Variants in PEX5L observed in about 807,000 individuals in gnomAD.
PEX5L encodes PEX5-related protein.
In PEX5L, 30 loss-of-function variants were observed where a neutral mutation model predicts 84.0. The observed-to-expected ratio is 0.36, with a 90% CI of 0.27 to 0.48. PEX5L has a LOEUF of 0.48. Among genes scored for constraint, PEX5L ranks in the 20% least tolerant of loss-of-function variants. The pLI, the probability that PEX5L is intolerant of heterozygous loss-of-function variation, is 0.99. For synonymous variants in PEX5L, 270 were observed against 283.1 expected, an observed-to-expected ratio of 0.95 and a Z score of 0.46; for missense variants, 533 against 754.6, an observed-to-expected ratio of 0.71 and a Z score of 3.44.
At chr3:179,817,773 C>A (rs540542323) in intron 9 of PEX5L, among the ~76,000 whole-genome samples, 1 of 152,206 alleles carries the variant, frequency 6.6e-6, no homozygotes, top group African/African-American at 2.4e-5. Context: ...TCCATAGGTG[C>A]TTAGAAGGAC....
chr3:179,903,290 G>A (rs758072905), intron 2 of PEX5L, among the ~76,000 whole-genome samples: 10 of 151,764 alleles, frequency 6.6e-5, no homozygotes, highest in Non-Finnish European at 1.2e-4. Flanking sequence ...GTGTGATCTC[G>A]GTTCACTGCA....
At chr3:179,990,287 T>C (rs9833792) in intron 1 of PEX5L, among the ~76,000 whole-genome samples, 2,671 of 152,332 alleles carry the variant, frequency 0.018, 84 homozygotes, top group African/African-American at 0.061. Context: ...TCATTTGCAC[T>C]AGAGAAAAGA....
intron 1 of PEX5L, among the ~76,000 whole-genome samples, chr3:180,003,138 C>T (rs982248013): frequency 6.6e-5 from 10 of 152,104 alleles, no homozygotes; most frequent in African/African-American, 2.2e-4. Context: ...TTCAAATACC[C>T]TATTGAGACT....
intron 1 of PEX5L, among the ~76,000 whole-genome samples, chr3:179,997,312 G>A (rs1455467945): frequency 1.3e-5 from 2 of 152,298 alleles, no homozygotes; most frequent in African/African-American, 2.4e-5. Flanking sequence ...GGGGCTTATG[G>A]AGGTCAGGTA....
chr3:179,844,336 A>G (rs991957653), intron 8 of PEX5L, among the ~76,000 whole-genome samples: 8 of 152,224 alleles, frequency 5.3e-5, no homozygotes, highest in African/African-American at 1.9e-4. Flanking sequence ...TTTGAAGACC[A>G]TATTGTATTA....
intron 8 of PEX5L, among the ~76,000 whole-genome samples, chr3:179,827,308 A>G (rs1188405371): frequency 6.6e-6 from 1 of 152,194 alleles, no homozygotes; most frequent in Non-Finnish European, 1.5e-5. Flanking sequence ...CTTGGAATCT[A>G]GCTACCACCT....
In PEX5L at chr3:179,871,415, T is replaced by C. The variant is rs111978713; in HGVS notation, c.726+2912A>G. ...ACCACACCTGGCCCCATCTGAGTTA[T>C]ACTTTTAAGGTGAATTTTTATACCA... On this transcript the variant is annotated intron_variant, in intron 7 of 14. Coordinates refer to ENST00000467460, the MANE Select transcript of PEX5L (RefSeq NM_016559.3). Among the ~76,000 whole-genome samples, 27 of 152,314 alleles carry C rather than the reference T, an allele frequency of 1.8e-4. 1 individual carries two copies. The highest frequency in any genetic ancestry group is 5.5e-4 in the African/African-American group (23 of 41,568).
chr3:179,850,135 T>G (rs1003297442), intron 8 of PEX5L, among the ~76,000 whole-genome samples: 2 of 152,124 alleles, frequency 1.3e-5, no homozygotes, highest in African/African-American at 4.8e-5. Flanking sequence ...ACTTTTTTTT[T>G]TTGTTTTTTT....
chr3:179,803,084 C>A (rs1719735759), intron 14 of PEX5L, among the ~76,000 whole-genome samples: 1 of 151,994 alleles, frequency 6.6e-6, no homozygotes, highest in Non-Finnish European at 1.5e-5. Context: ...TTTTTGCTTT[C>A]ATTTTCTCAC....
chr3:179,979,461 CT>C (rs1401905073), intron 1 of PEX5L, among the ~76,000 whole-genome samples: 6 of 152,158 alleles, frequency 3.9e-5, no homozygotes, highest in African/African-American at 1.4e-4. Flanking sequence ...GATAATCTCT[CT>C]GGCAGTCTTA....
chr3:179,957,913 C>A (rs1379500536), intron 2 of PEX5L, among the ~76,000 whole-genome samples: 1 of 152,096 alleles, frequency 6.6e-6, no homozygotes, highest in Admixed American at 6.6e-5. Flanking sequence ...AGAATGGGCA[C>A]GTATTTAAGG....
rs192280075 is a variant in PEX5L at position 179,908,568 on chromosome 3, C to T, written c.94-10322G>A. 4.6e-5 allele frequency among the ~76,000 whole-genome samples: 7 copies of T among 152,056 alleles called. No individual in the cohort carries two copies. In the East Asian group the frequency reaches 1.4e-3, roughly 29 times the overall value. On this transcript the variant is annotated intron_variant, in intron 2 of 14. Transcript: ENST00000467460. ...TGTGCCATGTTGGTGTGCTGCACCCCTTAACTCATCATTTACATTAGGTAT... is the reference window on the plus strand; with the variant it reads ...TGTGCCATGTTGGTGTGCTGCACCCTTTAACTCATCATTTACATTAGGTAT...
chr3:179,962,745 T>C (rs1462780277), intron 2 of PEX5L, among the ~76,000 whole-genome samples: 1 of 152,186 alleles, frequency 6.6e-6, no homozygotes, highest in African/African-American at 2.4e-5. Flanking sequence ...ATAGGTTTCT[T>C]TTCAATTTCT....
chr3:179,946,222 C>G (rs6795547), intron 2 of PEX5L, among the ~76,000 whole-genome samples: 121,632 of 152,068 alleles, frequency 0.8, 49,081 homozygotes, highest in African/African-American at 0.89. Context: ...TCTTGAGCTT[C>G]AATCCAGGCT....
chr3:179,914,044 G>A (rs1189473370), intron 2 of PEX5L, among the ~76,000 whole-genome samples: 1 of 152,136 alleles, frequency 6.6e-6, no homozygotes, highest in Non-Finnish European at 1.5e-5. Context: ...AGGAAGGACT[G>A]ATAAAAATAC....
intron 2 of PEX5L, among the ~76,000 whole-genome samples, chr3:179,968,729 GTGTC>G (rs1560974607): frequency 1.0e-4 from 15 of 146,758 alleles, no homozygotes; most frequent in South Asian, 2.1e-4. Flanking sequence ...GTGTCTGTGT[GTGTC>G]TGTGTGTCTG....
At chr3:179,972,467 C>T (rs1459483930) in intron 1 of PEX5L, among the ~76,000 whole-genome samples, 2 of 152,012 alleles carry the variant, frequency 1.3e-5, no homozygotes, top group East Asian at 1.9e-4. Context: ...CCCAACGCAA[C>T]GGTTGATGAG....
Position 179,800,922 on chromosome 3 carries a change from T to C in PEX5L, c.*906A>G, listed in dbSNP as rs775094985. ...AAACTTTCTTCCTGCAGAGAATGCA[T>C]GAAGAGACAGTACCTTGTGTCTTAC... On this transcript the variant is annotated 3_prime_UTR_variant, in exon 15 of 15. Coordinates refer to ENST00000467460, the MANE Select transcript of PEX5L (RefSeq NM_016559.3). 4 of 152,372 alleles carry C rather than the reference T, an allele frequency of 2.6e-5. No individual in the cohort carries two copies. The highest frequency in any genetic ancestry group is 5.9e-5 in the Non-Finnish European group (4 of 68,026). 9.4% of individuals were successfully genotyped at this position (152,372 alleles called of 1,614,324 possible). A position where few individuals can be genotyped will look rare whatever the true frequency, so the allele number is the denominator to read the frequency against.
chr3:179,940,323 G>T (rs1016598309), intron 2 of PEX5L, among the ~76,000 whole-genome samples: 25 of 151,754 alleles, frequency 1.6e-4, no homozygotes, highest in African/African-American at 5.8e-4. Flanking sequence ...GCTGGGAAGA[G>T]AAAGAAAGAG....
Sources: gnomAD v4.1 joint callset for allele counts (sites outside exome capture counted in the v4.1 genomes callset) on GRCh38, gnomAD v4.1.1 for gene constraint, MANE v1.5 for transcripts, NCBI Gene and HGNC (gene_info 2026-07-23, HGNC 2026-07-21) for gene names.